The following KCNH1 variants were observed in gnomAD, a reference collection of about 807,000 sequenced individuals.
KCNH1 encodes potassium voltage-gated channel subfamily H member 1, also known as voltage-gated delayed rectifier potassium channel KCNH1.
In KCNH1, 27 loss-of-function variants were observed where a neutral mutation model predicts 69.2. The observed-to-expected ratio is 0.39, with a 90% CI of 0.29 to 0.54. The LOEUF is 0.54. Among genes scored for constraint, KCNH1 ranks in the 20% least tolerant of loss-of-function variants. The pLI is 0.68. For synonymous variants in KCNH1, 456 were observed against 487.7 expected (o/e 0.93, Z 0.86); for missense variants, 798 against 1,261.6 (o/e 0.63, Z 5.57).
intron 6 of KCNH1, among the ~76,000 whole-genome samples, chr1:210,998,968 G>C (rs1039938268): frequency 6.6e-6 from 1 of 152,188 alleles, no homozygotes; most frequent in Admixed American, 6.5e-5. Context: ...AAACCGATGA[G>C]AACAAAGACA....
intron 6 of KCNH1, among the ~76,000 whole-genome samples, chr1:210,951,777 A>G (rs952735916): frequency 6.6e-6 from 1 of 152,192 alleles, no homozygotes; most frequent in African/African-American, 2.4e-5. Flanking sequence ...ACACAACCAT[A>G]TCAGTACAAA....
intron 6 of KCNH1, among the ~76,000 whole-genome samples, chr1:210,991,572 C>T (rs1005919984): frequency 2.7e-5 from 4 of 150,314 alleles, no homozygotes; most frequent in African/African-American, 9.8e-5. Context: ...TATTATACAT[C>T]TCAAAATTGC....
At chr1:210,928,128 T>C (rs929062818) in intron 6 of KCNH1, among the ~76,000 whole-genome samples, 1 of 152,008 alleles carries the variant, frequency 6.6e-6, no homozygotes, top group African/African-American at 2.4e-5. Flanking sequence ...ACTTTAATAC[T>C]CCACAGACAA....
chr1:210,752,949 G>A (rs1165879011), intron 10 of KCNH1, among the ~76,000 whole-genome samples: 2 of 152,126 alleles, frequency 1.3e-5, no homozygotes, highest in African/African-American at 2.4e-5. Flanking sequence ...TAGAGACACA[G>A]GGGTGAAGGC....
intron 10 of KCNH1, among the ~76,000 whole-genome samples, chr1:210,751,981 G>T (rs998754191): frequency 6.6e-6 from 1 of 152,138 alleles, no homozygotes; most frequent in Non-Finnish European, 1.5e-5. Context: ...AACAGAATCT[G>T]AGCTGGATTT....
rs575494085 is a variant in KCNH1, at chr1:211,000,860, A to C, written c.1032+17923T>G. On this transcript the variant is annotated intron_variant, in intron 6 of 10. Coordinates refer to ENST00000271751, the MANE Select transcript of KCNH1 (RefSeq NM_172362.3). ...ACAGAGCCCTCAGAAATAATACCAC[A>C]AATCTACAACCATCTGATCTTTGAC... Among the ~76,000 whole-genome samples the C allele has an allele frequency of 8.9e-4, 135 of 152,302 alleles. 1 individual carries two copies. The highest frequency in any genetic ancestry group is 3.1e-3 in the African/African-American group (129 of 41,570).
intron 7 of KCNH1, among the ~76,000 whole-genome samples, chr1:210,813,850 C>G (rs1202264270): frequency 2.0e-5 from 3 of 152,080 alleles, no homozygotes; most frequent in Admixed American, 2.0e-4. Flanking sequence ...GGGGGTGGGT[C>G]TTTCCCACGT....
intron 6 of KCNH1, among the ~76,000 whole-genome samples, chr1:210,997,530 G>A (rs561094932): frequency 9.2e-5 from 14 of 152,286 alleles, no homozygotes; most frequent in African/African-American, 9.6e-5. Flanking sequence ...CCAAATCTAC[G>A]TCTGATTGGT....
intron 5 of KCNH1, among the ~76,000 whole-genome samples, chr1:211,032,229 G>T (rs1403762242): frequency 2.0e-5 from 3 of 152,162 alleles, no homozygotes; most frequent in Non-Finnish European, 2.9e-5. Context: ...TCTTCAAGGA[G>T]AACTACAAAC....
At chr1:210,787,525 TC>T (rs1433923687) in intron 9 of KCNH1, among the ~76,000 whole-genome samples, 1 of 152,224 alleles carries the variant, frequency 6.6e-6, no homozygotes, top group Non-Finnish European at 1.5e-5. Flanking sequence ...CTGATGCGTT[TC>T]ACATCAATGA....
chr1:210,875,717 C>T (rs187617296), intron 7 of KCNH1, among the ~76,000 whole-genome samples: 119 of 151,594 alleles, frequency 7.8e-4, no homozygotes, highest in African/African-American at 2.7e-3. Context: ...GTGGGAGGAT[C>T]GCTTGAATCC....
chr1:210,857,824 A>G (rs1332054390), intron 7 of KCNH1, among the ~76,000 whole-genome samples: 2 of 152,228 alleles, frequency 1.3e-5, no homozygotes, highest in Non-Finnish European at 2.9e-5. Context: ...AAGAAAGGGA[A>G]GCAAGCCAAT....
chr1:210,850,501 ACT>A (rs149182695), intron 7 of KCNH1, among the ~76,000 whole-genome samples: 9,665 of 152,092 alleles, frequency 0.064, 610 homozygotes, highest in African/African-American at 0.15. Flanking sequence ...ACAGAGTGAG[ACT>A]CTGTCTCAAA....
chr1:210,720,608 CCCCCAAAGAA>C (rs1682429541), intron 10 of KCNH1, among the ~76,000 whole-genome samples: 4 of 152,116 alleles, frequency 2.6e-5, no homozygotes, highest in Non-Finnish European at 2.9e-5. Context: ...ACCTTGCTTG[CCCCCAAAGAA>C]CTGGGACTAA....
chr1:210,996,589 AC>A (rs1284496590), intron 6 of KCNH1, among the ~76,000 whole-genome samples: 1 of 152,204 alleles, frequency 6.6e-6, no homozygotes, highest in Non-Finnish European at 1.5e-5. Context: ...GACAGCAGTA[AC>A]CTCTGCAGAC....
rs1386856856 is a variant in KCNH1 at position 210,681,020 on chromosome 1, G to A, written c.*2261C>T. ...CCGTTGGGTGCCAGACAAGAAGCCT[G>A]TCATCAAGTCCCTGGAGAGCTGAGA... On this transcript the variant is annotated 3_prime_UTR_variant, in exon 11 of 11. Coordinates refer to ENST00000271751, the MANE Select transcript of KCNH1 (RefSeq NM_172362.3). The A allele has an allele frequency of 2.6e-5, 4 of 152,178 alleles. No individual in the cohort carries two copies. The highest frequency in any genetic ancestry group is 9.7e-5 in the African/African-American group (4 of 41,436). 9.4% of individuals were successfully genotyped at this position (152,178 alleles called of 1,614,324 possible).
intron 10 of KCNH1, among the ~76,000 whole-genome samples, chr1:210,690,470 CCCACCAGCCTCCT>C (rs1217579808): frequency 2.6e-5 from 4 of 152,168 alleles, no homozygotes; most frequent in Non-Finnish European, 5.9e-5. Context: ...GGTTTCCTCA[CCCACCAGCCTCCT>C]CCACCAGTCA....
chr1:211,106,839 G>C (rs1401555904), intron 2 of KCNH1, among the ~76,000 whole-genome samples: 1 of 152,040 alleles, frequency 6.6e-6, no homozygotes, highest in East Asian at 1.9e-4. Flanking sequence ...TATGAACAAG[G>C]CCCTTGTCTC....
intron 6 of KCNH1, among the ~76,000 whole-genome samples, chr1:210,981,947 G>A (rs755938651): frequency 6.6e-6 from 1 of 152,076 alleles, no homozygotes; most frequent in Non-Finnish European, 1.5e-5. Context: ...TGCATAGGTT[G>A]GGGGAAGCGG....
Sources: gnomAD v4.1 joint callset for allele counts (sites outside exome capture counted in the v4.1 genomes callset) on GRCh38, gnomAD v4.1.1 for gene constraint, MANE v1.5 for transcripts, NCBI Gene and HGNC (gene_info 2026-07-23, HGNC 2026-07-21) for gene names.